UPF2: variants seen among roughly 807,000 people sequenced by gnomAD.
UPF2 encodes regulator of nonsense transcripts 2.
In UPF2, 17 loss-of-function variants were observed where a neutral mutation model predicts 141.4. The observed-to-expected ratio is 0.12, with a 90% confidence interval of 0.08 to 0.18. The LOEUF is 0.18. Ranked by LOEUF, UPF2 falls within the 10% of genes least tolerant of loss-of-function variation. UPF2 has a pLI of 1.00. For synonymous variants in UPF2, 540 were observed against 498.0 expected (o/e 1.08, Z -1.12); for missense variants, 1,152 against 1,515.9 (o/e 0.76, Z 3.99).
intron 19 of UPF2, among the ~76,000 whole-genome samples, chr10:11,933,720 T>C (rs754112629): frequency 6.6e-6 from 1 of 152,240 alleles, no homozygotes; most frequent in African/African-American, 2.4e-5. Flanking sequence ...GATTAATTTA[T>C]TTTCAATTCC....
At chr10:11,971,025 C>A (rs1368196878) in intron 9 of UPF2, among the ~76,000 whole-genome samples, 1 of 151,922 alleles carries the variant, frequency 6.6e-6, no homozygotes, top group Non-Finnish European at 1.5e-5. Context: ...CCTGTATCAT[C>A]CACATCATAT....
chr10:11,998,080 T>A lies in UPF2; in HGVS notation c.1759-323A>T, dbSNP rs1833892154. On this transcript the variant is annotated intron_variant, in intron 7 of 21. Transcript: ENST00000357604. This position sits in a 1 kb window ranked among gnomAD's most constrained non-coding sequence, Gnocchi z 4.5. Reference sequence around the variant, plus strand: ...TGCCCCCACATTCACTAAAAAAGTTTAGTGTCGACAGTCAGATTTGGTAAT... The same window carrying A: ...TGCCCCCACATTCACTAAAAAAGTTAAGTGTCGACAGTCAGATTTGGTAAT... Among the ~76,000 whole-genome samples the A allele has an allele frequency of 6.6e-6, 1 of 152,184 alleles. No individual in the cohort carries two copies. The highest frequency in any genetic ancestry group is 2.4e-5 in the African/African-American group (1 of 41,438).
chr10:11,944,491 C>T (rs553262019), intron 16 of UPF2, among the ~76,000 whole-genome samples: 2 of 152,056 alleles, frequency 1.3e-5, no homozygotes, highest in Non-Finnish European at 2.9e-5. Context: ...GAGACTCCAT[C>T]CCCCACCAAA....
At chr10:11,923,602 C>T (rs966973260) in intron 21 of UPF2, among the ~76,000 whole-genome samples, 12 of 151,110 alleles carry the variant, frequency 7.9e-5, no homozygotes, top group Non-Finnish European at 1.3e-4. Flanking sequence ...ATTGCTTGAA[C>T]CCGGGAGGCG....
chr10:11,948,270 A>C lies in UPF2; in HGVS notation c.3174+99T>G. 4 of 966,388 alleles carry C rather than the reference A, an allele frequency of 4.1e-6. No individual in the cohort carries two copies. In the South Asian group the frequency reaches 6.5e-5, roughly 16 times the overall value. 59.9% of individuals were successfully genotyped at this position (966,388 alleles called of 1,614,324 possible). ...CTCAAAAAAAAAAAAAAAAAAAAAA[A>C]CCAGGAGGAGGTCTTATGTATTAAA... On this transcript the variant is annotated intron_variant, in intron 16 of 21. Coordinates refer to ENST00000357604, the MANE Select transcript of UPF2 (RefSeq NM_015542.4).
At chr10:12,025,808 G>C (rs1834409741) in intron 3 of UPF2, among the ~76,000 whole-genome samples, 1 of 152,110 alleles carries the variant, frequency 6.6e-6, no homozygotes, top group Admixed American at 6.6e-5. Context: ...TTCAGTTTTT[G>C]TTTCGAGACA....
rs1178848027 is a variant in UPF2 at position 12,029,309 on chromosome 10, T to C, written c.581A>G (p.Asn194Ser). 1.9e-6 allele frequency: 3 copies of C among 1,614,060 alleles called. No homozygotes were observed. The Admixed American group carries it at 5.0e-5, about 27-fold the overall frequency. Reference sequence around the variant, plus strand: ...AATGTATTTGCTTAAATTTAGGCCATTAAAATCATGGGACAAGGAGTCTCT... The same window carrying C: ...AATGTATTTGCTTAAATTTAGGCCACTAAAATCATGGGACAAGGAGTCTCT... ...QQRDSLSHDFNGLNLSKYIAE... is the reference protein window; with the variant it reads ...QQRDSLSHDFSGLNLSKYIAE... The change falls in exon 3 of 22, where the codon AAT becomes AGT. Residue 194 changes from asparagine (N) to serine (S), a missense_variant. Around this residue, in one of 4 missense-constraint regions of UPF2, gnomAD observed 739 missense variants for 1,032.2 expected, o/e 0.72. Transcript: ENST00000357604.
intron 8 of UPF2, among the ~76,000 whole-genome samples, chr10:11,991,174 T>C (rs1833774215): frequency 6.6e-6 from 1 of 152,184 alleles, no homozygotes; most frequent in South Asian, 2.1e-4. Flanking sequence ...TCCAGAAACA[T>C]ACTGCCATGA....
chr10:12,018,381 G>T, intron 3 of UPF2, among the ~76,000 whole-genome samples: 1 of 152,102 alleles, frequency 6.6e-6, no homozygotes, highest in East Asian at 1.9e-4. Context: ...AGGAGTTCAA[G>T]ATCACCCTGA....
chr10:11,978,044 C>T (rs1833534967), intron 9 of UPF2, among the ~76,000 whole-genome samples: 1 of 152,204 alleles, frequency 6.6e-6, no homozygotes, highest in Admixed American at 6.5e-5. Flanking sequence ...GCACTCAAAG[C>T]ACCCACTCTC....
At chr10:11,938,034 C>T (rs1443557733) in intron 18 of UPF2, among the ~76,000 whole-genome samples, 2 of 152,138 alleles carry the variant, frequency 1.3e-5, no homozygotes, top group Non-Finnish European at 2.9e-5. Context: ...CCCACTGCCC[C>T]AACCCCAAGA....
intron 21 of UPF2, among the ~76,000 whole-genome samples, chr10:11,928,866 C>G (rs1832747054): frequency 6.7e-6 from 1 of 150,234 alleles, no homozygotes; most frequent in Admixed American, 6.6e-5. Flanking sequence ...TTTAAAAAAA[C>G]AGGCCGGGCA....
At chr10:11,922,973 G>A (rs1156782061) in intron 21 of UPF2, among the ~76,000 whole-genome samples, 1 of 152,178 alleles carries the variant, frequency 6.6e-6, no homozygotes, top group Non-Finnish European at 1.5e-5. Context: ...GGTCGAGGCT[G>A]CGGTGACCTG....
intron 11 of UPF2, among the ~76,000 whole-genome samples, chr10:11,960,484 C>A (rs1239840926): frequency 1.3e-5 from 2 of 152,142 alleles, no homozygotes; most frequent in African/African-American, 2.4e-5. Flanking sequence ...AGGAGGATCA[C>A]GTGAGCCCAG....
intron 8 of UPF2, among the ~76,000 whole-genome samples, chr10:11,990,197 CA>C (rs1204185342): frequency 6.6e-6 from 1 of 152,194 alleles, no homozygotes; most frequent in African/African-American, 2.4e-5. Flanking sequence ...AATATGCCAT[CA>C]ACATGCTTCT....
At chr10:11,983,328 T>A (rs1233142782) in intron 8 of UPF2, among the ~76,000 whole-genome samples, 1 of 152,210 alleles carries the variant, frequency 6.6e-6, no homozygotes, top group Non-Finnish European at 1.5e-5. Flanking sequence ...TGTTAGAGTA[T>A]CCTTCCATTC....
At chr10:11,929,011 C>T (rs117099973) in intron 21 of UPF2, among the ~76,000 whole-genome samples, 8,545 of 151,894 alleles carry the variant, frequency 0.056, 326 homozygotes, top group Non-Finnish European at 0.085. Context: ...TAGCCAGATG[C>T]GGTGGCATGC....
rs1833130021 is a variant in UPF2 at position 11,955,207 on chromosome 10, A to C, written c.2850+25T>G. Reference sequence around the variant, plus strand: ...CACATGCAATATGTTAAATGATGCCAAACTGAATATTTCAGCTTATATACC... The same window carrying C: ...CACATGCAATATGTTAAATGATGCCCAACTGAATATTTCAGCTTATATACC... On this transcript the variant is annotated intron_variant, in intron 14 of 21. Coordinates refer to ENST00000357604, the MANE Select transcript of UPF2 (RefSeq NM_015542.4). The C allele has an allele frequency of 1.9e-6, 3 of 1,547,526 alleles. No homozygotes were observed. In the Admixed American group the frequency reaches 6.0e-5, roughly 31 times the overall value.
At chr10:11,982,746 A>C (rs1833619972) in intron 8 of UPF2, among the ~76,000 whole-genome samples, 1 of 151,976 alleles carries the variant, frequency 6.6e-6, no homozygotes, top group South Asian at 2.1e-4. Context: ...TCAGCCTCCC[A>C]AGTACCTGGG....
Sources: gnomAD v4.1 joint callset for allele counts (sites outside exome capture counted in the v4.1 genomes callset) on GRCh38, gnomAD v4.1.1 for gene constraint, gnomAD v4.1.1 regional missense constraint, Gnocchi (gnomAD v3.1) non-coding constraint, MANE v1.5 for transcripts, NCBI Gene and HGNC (gene_info 2026-07-23, HGNC 2026-07-21) for gene names.